Variants in ARHGAP31 observed in about 807,000 individuals in gnomAD.
ARHGAP31 encodes Rho GTPase activating protein 31.
ARHGAP31 carries 34 observed loss-of-function variants against 113.9 expected under a neutral mutation model. The observed-to-expected ratio is 0.30, with a 90% confidence interval of 0.23 to 0.40. The LOEUF is 0.40. Among genes scored for constraint, ARHGAP31 ranks in the 10% least tolerant of loss-of-function variants. ARHGAP31 has a pLI of 1.00. For missense variants in ARHGAP31, 1,548 were observed against 1,767.1 expected (o/e 0.88, Z 2.22); for synonymous variants, 650 against 684.8 (o/e 0.95, Z 0.79).
At chr3:119,324,914 T>C (rs1410241667) in intron 1 of ARHGAP31, 3 of 456,582 alleles carry the variant, frequency 6.6e-6, no homozygotes, top group Non-Finnish European at 1.3e-5. Context: ...AATGGCTAAA[T>C]GAAGGTGCTA....
At position 119,409,584 on chromosome 3, in the gene ARHGAP31, G is replaced by A. The variant is rs765391757; in HGVS notation, c.1734G>A (p.Gln578=). ...GTVECSKGLS[Q]EPGAHLEEKK... ...TGGAATGCAGCAAAGGCCTGTCCCA[G>A]GAGCCAGGCGCCCACCTGGAGGAGA... The change falls in exon 11 of 12, where the codon CAG becomes CAA. Residue 578 remains glutamine (Q), a synonymous_variant. Transcript: ENST00000264245. 6 of 1,614,164 alleles carry A rather than the reference G, an allele frequency of 3.7e-6. No individual in the cohort carries two copies. The Admixed American group carries it at 1.0e-4, about 27-fold the overall frequency.
At chr3:119,386,229 T>C (rs1001059947) in intron 6 of ARHGAP31, among the ~76,000 whole-genome samples, 9 of 152,324 alleles carry the variant, frequency 5.9e-5, no homozygotes, top group South Asian at 2.1e-4. Context: ...ACTGAAAAGA[T>C]TTTAGAAGTT....
intron 1 of ARHGAP31, among the ~76,000 whole-genome samples, chr3:119,354,023 C>T (rs1393198956): frequency 6.6e-6 from 1 of 152,108 alleles, no homozygotes; most frequent in African/African-American, 2.4e-5. Flanking sequence ...ACAGAGTGGA[C>T]CAGAGGAGGA....
chr3:119,317,291 G>A (rs1249665879), intron 1 of ARHGAP31, among the ~76,000 whole-genome samples: 6 of 151,720 alleles, frequency 4.0e-5, no homozygotes, highest in Admixed American at 6.6e-5. Context: ...CTATTCTCCT[G>A]GCTCAGCCTC....
Position 119,416,422 on chromosome 3 carries a change from C to A in ARHGAP31, c.*158C>A. ...CCTTTTGACCACTTATTAATTAGTCCATTTGCTAGAAGAGTGGTCAAGGGA... is the reference window on the plus strand; with the variant it reads ...CCTTTTGACCACTTATTAATTAGTCAATTTGCTAGAAGAGTGGTCAAGGGA... On this transcript the variant is annotated 3_prime_UTR_variant, in exon 12 of 12. Coordinates refer to ENST00000264245, the MANE Select transcript of ARHGAP31 (RefSeq NM_020754.4). 2 of 1,046,468 alleles carry A rather than the reference C, an allele frequency of 1.9e-6. No homozygotes were observed. The highest frequency in any genetic ancestry group is 2.8e-6 in the Non-Finnish European group (2 of 709,616). 64.8% of individuals were successfully genotyped at this position (1,046,468 alleles called of 1,614,324 possible).
chr3:119,332,364 T>C (rs963508716), intron 1 of ARHGAP31, among the ~76,000 whole-genome samples: 5 of 151,978 alleles, frequency 3.3e-5, no homozygotes, highest in African/African-American at 1.2e-4. Flanking sequence ...CATGCCTGGC[T>C]AATTTTTGTA....
intron 1 of ARHGAP31, among the ~76,000 whole-genome samples, chr3:119,342,122 C>T (rs891098250): frequency 5.3e-5 from 8 of 152,320 alleles, no homozygotes; most frequent in East Asian, 3.9e-4. Context: ...GAGTCCCTCT[C>T]TGTTTCACAA....
At chr3:119,350,230 G>GCTT (rs934041660) in intron 1 of ARHGAP31, among the ~76,000 whole-genome samples, 1 of 152,034 alleles carries the variant, frequency 6.6e-6, no homozygotes, top group African/African-American at 2.4e-5. Context: ...ACAACAGGAA[G>GCTT]CGCTGGGAGG....
chr3:119,409,960 T>G (rs1339796241), intron 11 of ARHGAP31, among the ~76,000 whole-genome samples, 184 bp downstream of exon 11: 1 of 152,238 alleles, frequency 6.6e-6, no homozygotes, highest in African/African-American at 2.4e-5. Context: ...TTTTCAGAAG[T>G]CCTGCAGTGA....
At chr3:119,409,176 T>G (rs1195622992) in intron 10 of ARHGAP31, among the ~76,000 whole-genome samples, 5 of 152,282 alleles carry the variant, frequency 3.3e-5, no homozygotes, top group Admixed American at 6.5e-5. Context: ...CTCCCCAATG[T>G]TGTGGCAACC....
intron 3 of ARHGAP31, among the ~76,000 whole-genome samples, chr3:119,374,710 G>A (rs2080332890): frequency 6.6e-6 from 1 of 152,160 alleles, no homozygotes; most frequent in Non-Finnish European, 1.5e-5. Context: ...AGGCAAGCTT[G>A]CTTCCCCTTC....
intron 1 of ARHGAP31, among the ~76,000 whole-genome samples, chr3:119,324,157 C>G (rs747059810): frequency 6.6e-6 from 1 of 152,188 alleles, no homozygotes; most frequent in Non-Finnish European, 1.5e-5. Flanking sequence ...ATTACAGTAG[C>G]GCTTTCCTCT....
intron 10 of ARHGAP31, among the ~76,000 whole-genome samples, chr3:119,404,447 G>A (rs1047561742): frequency 6.6e-6 from 1 of 152,174 alleles, no homozygotes; most frequent in Non-Finnish European, 1.5e-5. Context: ...GGGTGGAAGG[G>A]GGCTGCTGAG....
intron 2 of ARHGAP31, among the ~76,000 whole-genome samples, chr3:119,367,856 C>CAAAAAAAAA (rs1398233400): frequency 9.0e-6 from 1 of 111,358 alleles, no homozygotes; most frequent in Non-Finnish European, 1.8e-5. Flanking sequence ...GACTCCATCT[C>CAAAAAAAAA]AAAAAAAAGA....
At chr3:119,399,093 C>T in intron 8 of ARHGAP31, 106 bp from the exon 9 acceptor site, 3 of 982,786 alleles carry the variant, frequency 3.1e-6, no homozygotes, top group Non-Finnish European at 4.8e-6. Context: ...ACTTGAAAAA[C>T]TTTCCTAAAG....
intron 1 of ARHGAP31, among the ~76,000 whole-genome samples, chr3:119,316,936 C>T (rs2079737368): frequency 6.6e-6 from 1 of 152,208 alleles, no homozygotes; most frequent in African/African-American, 2.4e-5. Context: ...CCATTTATCC[C>T]CTATGTCCCT....
At chr3:119,405,533 A>C (rs1259134760) in intron 10 of ARHGAP31, among the ~76,000 whole-genome samples, 1 of 152,168 alleles carries the variant, frequency 6.6e-6, no homozygotes, top group Non-Finnish European at 1.5e-5. Flanking sequence ...CATCGTTTCC[A>C]CTGCCTCCCA....
In ARHGAP31 at chr3:119,419,828, C is replaced by T. The variant is rs16829838; in HGVS notation, c.*3564C>T. ...AGAAAACTGGAAAGTGGCAACTAGG[C>T]TAGAATAGTGGCAACTAGGTTCGGA... On this transcript the variant is annotated 3_prime_UTR_variant, in exon 12 of 12. Transcript: ENST00000264245. 23,509 of 152,072 alleles carry T rather than the reference C, an allele frequency of 0.15. 2,166 individuals are homozygous for T. Among genetic ancestry groups the T allele is most frequent in the South Asian group, 0.25 (1,194 of 4,820 alleles). 9.4% of individuals were successfully genotyped at this position (152,072 alleles called of 1,614,324 possible). A position where few individuals can be genotyped will look rare whatever the true frequency, so the allele number is the denominator to read the frequency against.
chr3:119,411,384 C>T (rs2080715360), intron 11 of ARHGAP31, among the ~76,000 whole-genome samples: 1 of 151,908 alleles, frequency 6.6e-6, no homozygotes, highest in African/African-American at 2.4e-5. Flanking sequence ...AAATGAAGGG[C>T]TACAATCACT....
Sources: gnomAD v4.1 joint callset for allele counts (sites outside exome capture counted in the v4.1 genomes callset) on GRCh38, gnomAD v4.1.1 for gene constraint, MANE v1.5 for transcripts, NCBI Gene and HGNC (gene_info 2026-07-23, HGNC 2026-07-21) for gene names.